The following RAD21L1 variants were observed in gnomAD, a reference collection of about 807,000 sequenced individuals.
RAD21L1 encodes the protein double-strand-break repair protein rad21-like protein 1.
Under a neutral mutation model 69.0 loss-of-function variants are expected in RAD21L1, and 47 were observed. That is an observed-to-expected ratio of 0.68 (90% CI 0.54 to 0.87). The LOEUF (loss-of-function observed/expected upper bound fraction) is 0.87, where lower values mean the gene tolerates loss of function less well. Among genes scored for constraint, RAD21L1 ranks in the 40% least tolerant of loss-of-function variants. RAD21L1 has a pLI of 0.00. For synonymous variants in RAD21L1, 177 were observed against 205.8 expected, an observed-to-expected ratio of 0.86 and a Z score of 1.20; for missense variants, 583 against 647.6, an observed-to-expected ratio of 0.90 and a Z score of 1.08.
chr20:1,242,668 T>A lies in RAD21L1; in HGVS notation c.906T>A (p.Pro302=). The A allele has an allele frequency of 6.4e-7, 1 of 1,551,606 alleles. No homozygotes were observed. Among genetic ancestry groups the A allele is most frequent in the Non-Finnish European group, 8.7e-7 (1 of 1,146,878 alleles). The change falls in exon 9 of 14, where the codon CCT becomes CCA. Residue 302 remains proline, a synonymous_variant. Coordinates refer to ENST00000683101, the MANE Select transcript of RAD21L1 (RefSeq NM_001384355.1). ...AAAAGAGGAGATTGCTCATAGATCC[T>A]ATCAAGGAGCTCAGTAGCAAAGTTA... ...KGKKRRLLID[P]IKELSSKVIH...
intron 4 of RAD21L1, among the ~76,000 whole-genome samples, chr20:1,231,869 C>A (rs2122775507): frequency 6.6e-6 from 1 of 152,280 alleles, no homozygotes; most frequent in East Asian, 1.9e-4. Flanking sequence ...GAGTGCCTTC[C>A]ATATGCCGGA....
rs16992733 is a variant in RAD21L1, at chr20:1,240,394, T to C, written c.816T>C (p.Thr272=). 128,592 of 1,549,248 alleles carry C rather than the reference T, an allele frequency of 0.083. 5,934 individuals carry two copies. Among genetic ancestry groups the C allele is most frequent in the East Asian group, 0.17 (7,052 of 40,724 alleles). ...EKMNETILLS[T]EEEGFTLDPI... ...TGAATGAAACAATATTATTATCAAC[T>C]GAAGAGGAAGGATTTACCCTTGATC... The change falls in exon 8 of 14, where the codon ACT becomes ACC. Residue 272 remains threonine, a synonymous_variant. Coordinates refer to ENST00000683101, the MANE Select transcript of RAD21L1 (RefSeq NM_001384355.1).
chr20:1,245,301 T>C (rs1290151950), intron 11 of RAD21L1, among the ~76,000 whole-genome samples: 1 of 152,214 alleles, frequency 6.6e-6, no homozygotes, highest in African/African-American at 2.4e-5. Context: ...CAAGAGAATA[T>C]TGATTCTGAT....
At chr20:1,232,255 G>A (rs558547336) in intron 4 of RAD21L1, among the ~76,000 whole-genome samples, 1 of 152,184 alleles carries the variant, frequency 6.6e-6, no homozygotes, top group Non-Finnish European at 1.5e-5. Context: ...CAGAGAGATA[G>A]CAGGAGACAC....
chr20:1,236,932 C>T (rs2122804708), intron 5 of RAD21L1, among the ~76,000 whole-genome samples: 1 of 152,172 alleles, frequency 6.6e-6, no homozygotes, highest in South Asian at 2.1e-4. Flanking sequence ...TCTGATTGAC[C>T]AACGCTGGCT....
chr20:1,241,123 G>A (rs1042710654), intron 8 of RAD21L1, among the ~76,000 whole-genome samples: 7 of 152,082 alleles, frequency 4.6e-5, no homozygotes, highest in African/African-American at 1.7e-4. Context: ...ATCCAGTTTG[G>A]GAAACTGAAA....
At chr20:1,232,196 G>T (rs1172750386) in intron 4 of RAD21L1, among the ~76,000 whole-genome samples, 1 of 152,156 alleles carries the variant, frequency 6.6e-6, no homozygotes, top group Non-Finnish European at 1.5e-5. Flanking sequence ...AAGGAGGCAA[G>T]TGAGACTCTA....
At chr20:1,251,201 T>C (rs1600232624) in intron 13 of RAD21L1, among the ~76,000 whole-genome samples, 1 of 152,180 alleles carries the variant, frequency 6.6e-6, no homozygotes, top group East Asian at 1.9e-4. Flanking sequence ...CTCTCAGATG[T>C]TGAAGGCTTT....
At chr20:1,252,488 TA>T (rs1179070258) in intron 13 of RAD21L1, among the ~76,000 whole-genome samples, 1 of 151,906 alleles carries the variant, frequency 6.6e-6, no homozygotes, top group African/African-American at 2.4e-5. Context: ...CAAAAGGAGG[TA>T]AAGGAGAGGC....
At chr20:1,250,667 A>G (rs1231034913) in intron 13 of RAD21L1, among the ~76,000 whole-genome samples, 1 of 152,220 alleles carries the variant, frequency 6.6e-6, no homozygotes, top group Non-Finnish European at 1.5e-5. Flanking sequence ...CAATAAACAT[A>G]TATGTGCATG....
chr20:1,234,219 CAAATTAT>C (rs2087450649), intron 5 of RAD21L1, 28 bp downstream of exon 5: 1 of 984,156 alleles, frequency 1.0e-6, no homozygotes, highest in African/African-American at 1.6e-5. Context: ...CTCAAAATTA[CAAATTAT>C]AATCAATTAT....
chr20:1,230,466 T>C (rs1204375855), intron 3 of RAD21L1: 1 of 697,424 alleles, frequency 1.4e-6, no homozygotes, highest in Non-Finnish European at 1.8e-6. Flanking sequence ...TGCCAGAGAT[T>C]TACATATGTC....
At chr20:1,250,691 G>A (rs2087810780) in intron 13 of RAD21L1, among the ~76,000 whole-genome samples, 1 of 152,178 alleles carries the variant, frequency 6.6e-6, no homozygotes, top group South Asian at 2.1e-4. Flanking sequence ...CTTTATAGCA[G>A]CATGATTTAT....
chr20:1,238,836 A>T (rs203531), intron 6 of RAD21L1, among the ~76,000 whole-genome samples: 1,836 of 152,074 alleles, frequency 0.012, 36 homozygotes, highest in African/African-American at 0.043. Flanking sequence ...TATTATTATT[A>T]TTTTTGAGAC....
intron 13 of RAD21L1, among the ~76,000 whole-genome samples, chr20:1,250,380 G>A (rs73604147): frequency 2.0e-5 from 3 of 150,686 alleles, no homozygotes; most frequent in Non-Finnish European, 3.0e-5. Context: ...ATTAGGTATA[G>A]CTCCTAATGC....
chr20:1,245,839 G>A (rs1024878344), intron 11 of RAD21L1, among the ~76,000 whole-genome samples: 4 of 151,800 alleles, frequency 2.6e-5, no homozygotes, highest in African/African-American at 9.7e-5. Context: ...CTGCCACCTG[G>A]TATTGGCATG....
rs185157509 is a variant in RAD21L1 at position 1,246,297 on chromosome 20, G to C, written c.1393G>C (p.Val465Leu). 2.9e-4 allele frequency: 435 copies of C among 1,477,386 alleles called. No individual in the cohort carries two copies. The highest frequency in any genetic ancestry group is 3.9e-4 in the Non-Finnish European group (425 of 1,089,390). The allele number at this position is 1,477,386 out of a possible 1,614,324, so 91.5% of individuals were successfully genotyped here. A position where few individuals can be genotyped will look rare whatever the true frequency, so the allele number is the denominator to read the frequency against. Residue 465 changes from valine to leucine, a missense_variant, in exon 12 of 14, where the codon GTT becomes CTT. Physicochemically the swap from Val to Leu is conservative, Grantham distance 32. Transcript: ENST00000683101. The surrounding 1 kb of genome is among the most constrained non-coding windows in gnomAD (Gnocchi z 4.6). ...LFAQEIEYSPVELESLSNEEN... is the reference protein window; with the variant it reads ...LFAQEIEYSPLELESLSNEEN... The stretch of plus-strand genomic sequence containing the variant: ...TGCACAAGAAATTGAATATAGTCCA[G>C]TTGAATTGGTAAATATATGTGTAGT...
At position 1,234,141 on chromosome 20, in the gene RAD21L1, C is replaced by T. The variant is rs1410182511; in HGVS notation, c.425C>T (p.Thr142Ile). The T allele has an allele frequency of 6.5e-7, 1 of 1,545,984 alleles. No individual in the cohort carries two copies. Among genetic ancestry groups the T allele is most frequent in the South Asian group, 1.2e-5 (1 of 83,754 alleles). ...AACCAAAGCAGACCAGAAGAAATCA[C>T]TCTTAGAGAAAATTTTGACAATGAT... ...TQNQSRPEEI[T>I]LRENFDNDLI... The change falls in exon 5 of 14, where the codon ACT becomes ATT. Residue 142 changes from threonine (T) to isoleucine (I), a missense_variant. By Grantham distance (89) the Thr-to-Ile change is moderately conservative (BLOSUM62 -1). Transcript: ENST00000683101.
At chr20:1,253,278 G>A (rs944136811) in intron 13 of RAD21L1, among the ~76,000 whole-genome samples, 1 of 152,162 alleles carries the variant, frequency 6.6e-6, no homozygotes, top group African/African-American at 2.4e-5. Flanking sequence ...ACATTGGCCA[G>A]TATTCACTGC....
Sources: gnomAD v4.1 joint callset for allele counts (sites outside exome capture counted in the v4.1 genomes callset) on GRCh38, gnomAD v4.1.1 for gene constraint, Gnocchi (gnomAD v3.1) non-coding constraint, MANE v1.5 for transcripts, NCBI Gene and HGNC (gene_info 2026-07-23, HGNC 2026-07-21) for gene names.